EDA: variants seen among roughly 807,000 people sequenced by gnomAD.
The protein encoded by EDA is ectodysplasin-A.
A neutral mutation model predicts 23.6 loss-of-function variants in EDA; 2 were observed. The ratio of observed to expected loss-of-function variants is 0.08; its 90% confidence interval spans 0.03 to 0.27. The LOEUF is 0.27. Ranked by LOEUF, EDA falls within the 10% of genes least tolerant of loss-of-function variation. The pLI is 1.00. For missense variants in EDA, 229 were observed against 324.2 expected (o/e 0.71, Z 2.26); for synonymous variants, 131 against 132.0 (o/e 0.99, Z 0.05).
At chrX:69,716,878 G>A (rs1293725095) in intron 1 of EDA, among the ~76,000 whole-genome samples, 2 of 111,009 alleles carry the variant, frequency 1.8e-5, no homozygotes, top group Non-Finnish European at 1.9e-5. Context: ...GGCTATTGTT[G>A]ATGTATAGGA....
At chrX:69,683,903 T>C (rs1274779487) in intron 1 of EDA, among the ~76,000 whole-genome samples, 2 of 112,361 alleles carry the variant, frequency 1.8e-5, no homozygotes, top group Admixed American at 9.4e-5. Flanking sequence ...AAAAAATAGA[T>C]TTGTCTTAAA....
At chrX:69,801,252 C>T (rs889845079) in intron 1 of EDA, among the ~76,000 whole-genome samples, 1 of 110,585 alleles carries the variant, frequency 9.0e-6, no homozygotes, top group African/African-American at 3.3e-5. Flanking sequence ...ATGATCAGGA[C>T]TCAGTGCAGC....
intron 1 of EDA, among the ~76,000 whole-genome samples, chrX:69,816,304 A>G (rs1340425749): frequency 9.0e-6 from 1 of 111,533 alleles, no homozygotes. Flanking sequence ...AATGACTCCA[A>G]CACCTCTCCA....
chrX:69,824,607 A>G (rs7472880), intron 1 of EDA, among the ~76,000 whole-genome samples: 36,708 of 94,328 alleles, frequency 0.39, 6,825 homozygotes, highest in East Asian at 0.65. Context: ...GGCTGAGACA[A>G]TGGGGTTTTC....
At chrX:69,674,368 TTTGA>T (rs1258495897) in intron 1 of EDA, among the ~76,000 whole-genome samples, 4 of 111,939 alleles carry the variant, frequency 3.6e-5, no homozygotes, top group Admixed American at 9.5e-5. Flanking sequence ...AAATTTGTAT[TTTGA>T]TTTTTTCTAT....
chrX:69,667,673 A>G (rs1404481685), intron 1 of EDA, among the ~76,000 whole-genome samples: 1 of 111,706 alleles, frequency 9.0e-6, no homozygotes, highest in Non-Finnish European at 1.9e-5. Flanking sequence ...TTAAGGCATA[A>G]TGTTAGACTA....
intron 1 of EDA, among the ~76,000 whole-genome samples, chrX:69,742,017 G>GA (rs1285191647): frequency 8.9e-6 from 1 of 112,328 alleles, no homozygotes; most frequent in Non-Finnish European, 1.9e-5. Flanking sequence ...AGCTTAGACA[G>GA]TAGCCTGCTT....
At position 69,744,289 on chromosome X, in the gene EDA, T is replaced by C. The variant is rs150630593; in HGVS notation, c.396+127585T>C. On this transcript the variant is annotated intron_variant, in intron 1 of 7. Coordinates refer to ENST00000374552, the MANE Select transcript of EDA (RefSeq NM_001399.5). ...TTCCAAAATAGGTATTCCAGTTTTA[T>C]AGAGGAATGAAACTGAGGCTCAAAA... 2.1e-4 allele frequency among the ~76,000 whole-genome samples: 24 copies of C among 112,072 alleles called. 1 individual carries two copies. The East Asian group carries it at 6.5e-3, about 30-fold the overall frequency.
intron 1 of EDA, among the ~76,000 whole-genome samples, chrX:69,867,544 C>A (rs982492646): frequency 8.9e-6 from 1 of 112,394 alleles, no homozygotes. Flanking sequence ...CTCCTTCATG[C>A]AAAGTGCACA....
intron 1 of EDA, among the ~76,000 whole-genome samples, chrX:69,680,814 C>T (rs1328563119): frequency 1.9e-5 from 2 of 102,593 alleles, no homozygotes; most frequent in Non-Finnish European, 3.9e-5. Context: ...GCATTTAGTC[C>T]ATTTACATTT....
intron 5 of EDA, 39 bp from the exon 6 acceptor site, chrX:70,030,430 A>T (rs2020181899): frequency 1.8e-6 from 2 of 1,140,988 alleles, no homozygotes; most frequent in Non-Finnish European, 2.4e-6. Flanking sequence ...AGCAGCCATT[A>T]CTCATAGTGA....
At position 69,850,889 on chromosome X, in the gene EDA, G is replaced by A. The variant is rs182105973; in HGVS notation, c.397-106138G>A. Among the ~76,000 whole-genome samples, 4 of 111,455 alleles carry A rather than the reference G, an allele frequency of 3.6e-5. No individual in the cohort carries two copies. In the East Asian group the frequency reaches 1.1e-3, roughly 32 times the overall value. On this transcript the variant is annotated intron_variant, in intron 1 of 7. Transcript: ENST00000374552. Reference sequence around the variant, plus strand: ...GTTATGCTTGGAATGCTCTTTTCCAGTTTATCATTCTACCCCATAAAGGCT... The same window carrying A: ...GTTATGCTTGGAATGCTCTTTTCCAATTTATCATTCTACCCCATAAAGGCT...
At chrX:69,937,620 G>A in intron 1 of EDA, 3 of 1,116,023 alleles carry the variant, frequency 2.7e-6, no homozygotes, top group Non-Finnish European at 2.5e-6. Context: ...AAAGTACTGG[G>A]TCTCAATTCC....
At chrX:69,867,369 T>A (rs1329641781) in intron 1 of EDA, among the ~76,000 whole-genome samples, 7 of 112,132 alleles carry the variant, frequency 6.2e-5, no homozygotes, top group Non-Finnish European at 1.3e-4. Context: ...GGGATACAAA[T>A]ATCTTCATAG....
rs1556001828 is a variant in EDA, at chrX:69,782,382, A to AAAAAAC, written c.396+165683_396+165684insCAAAAA. 4.9e-3 allele frequency among the ~76,000 whole-genome samples: 520 copies of AAAAAAC among 106,486 alleles called. 3 individuals are homozygous for AAAAAAC. Among genetic ancestry groups the AAAAAAC allele is most frequent in the African/African-American group, 0.016 (448 of 28,594 alleles). 92.5% of individuals were successfully genotyped at this position (106,486 alleles called of 115,157 possible). A position where few individuals can be genotyped will look rare whatever the true frequency, so the allele number is the denominator to read the frequency against. On this transcript the variant is annotated intron_variant, in intron 1 of 7. Transcript: ENST00000374552. ...AAATGCTCTTAAAAAAAAAAAAAAA[A>AAAAAAC]AAAAAAAAAACATTAAGCAGCTACT...
At chrX:70,029,373 C>G in intron 4 of EDA, 131 bp from the exon 5 acceptor site, 2 of 788,502 alleles carry the variant, frequency 2.5e-6, no homozygotes, top group African/African-American at 2.0e-5. Context: ...TCCTCCAGCT[C>G]TGAGCCCTGG....
intron 1 of EDA, among the ~76,000 whole-genome samples, chrX:69,699,733 T>C (rs1261671233): frequency 1.8e-5 from 2 of 109,914 alleles, no homozygotes; most frequent in Non-Finnish European, 3.8e-5. Flanking sequence ...GGAGAAAGGT[T>C]TGGTGAGGTC....
intron 1 of EDA, among the ~76,000 whole-genome samples, chrX:69,702,720 G>A (rs1472857831): frequency 9.0e-6 from 1 of 111,032 alleles, no homozygotes; most frequent in Non-Finnish European, 1.9e-5. Flanking sequence ...AGGTGAGCAA[G>A]AATTGCCGAG....
At chrX:69,811,919 G>T (rs1158907093) in intron 1 of EDA, among the ~76,000 whole-genome samples, 1 of 111,508 alleles carries the variant, frequency 9.0e-6, no homozygotes, top group African/African-American at 3.3e-5. Flanking sequence ...GAGTTACCAG[G>T]CCCTCTTATC....
Sources: gnomAD v4.1 joint callset for allele counts (sites outside exome capture counted in the v4.1 genomes callset) on GRCh38, gnomAD v4.1.1 for gene constraint, MANE v1.5 for transcripts, NCBI Gene and HGNC (gene_info 2026-07-23, HGNC 2026-07-21) for gene names.